DOCK9: variants seen among roughly 807,000 people sequenced by gnomAD.
DOCK9 encodes dedicator of cytokinesis 9.
Under a neutral mutation model 263.3 loss-of-function variants are expected in DOCK9, and 89 were observed. That is an observed-to-expected ratio of 0.34 (90% confidence interval 0.28 to 0.40). The LOEUF (loss-of-function observed/expected upper bound fraction) is 0.40. DOCK9 is among the 10% of genes least tolerant of loss of function. DOCK9 has a pLI of 1.00. For synonymous variants in DOCK9, 976 were observed against 973.1 expected (o/e 1.00, Z -0.06); for missense variants, 2,140 against 2,603.4 (o/e 0.82, Z 3.87).
intron 9 of DOCK9, among the ~76,000 whole-genome samples, chr13:98,906,467 G>A (rs1190215152): frequency 2.0e-5 from 3 of 152,118 alleles, no homozygotes; most frequent in African/African-American, 7.2e-5. Flanking sequence ...TCTATATTCT[G>A]TTCTTCTTGT....
At chr13:99,000,669 T>C (rs1882115301) in intron 1 of DOCK9, among the ~76,000 whole-genome samples, 1 of 152,162 alleles carries the variant, frequency 6.6e-6, no homozygotes, top group African/African-American at 2.4e-5. Flanking sequence ...CAGACTCCAT[T>C]TGTTCTGCAG....
chr13:98,992,067 TA>T (rs796826844), intron 1 of DOCK9, among the ~76,000 whole-genome samples: 7 of 148,100 alleles, frequency 4.7e-5, no homozygotes, highest in African/African-American at 1.8e-4. Flanking sequence ...ACATGAGAAA[TA>T]AAACTGTACA....
chr13:99,014,784 G>A (rs1361180588), intron 1 of DOCK9, among the ~76,000 whole-genome samples: 1 of 152,170 alleles, frequency 6.6e-6, no homozygotes, highest in Admixed American at 6.5e-5. Flanking sequence ...CCTGGTGCTG[G>A]TGGGAAGGCC....
intron 48 of DOCK9, among the ~76,000 whole-genome samples, chr13:98,806,051 A>C (rs1262654669): frequency 2.0e-5 from 3 of 152,164 alleles, no homozygotes; most frequent in Non-Finnish European, 4.4e-5. Flanking sequence ...AATGACCTCC[A>C]GTCTGGATTT....
chr13:98,989,922 T>G (rs888084905), intron 1 of DOCK9, among the ~76,000 whole-genome samples: 1 of 152,144 alleles, frequency 6.6e-6, no homozygotes. Context: ...TAAGAAAGGG[T>G]CTACAGAGCA....
intron 2 of DOCK9, among the ~76,000 whole-genome samples, chr13:98,951,641 G>T (rs1358854025): frequency 6.6e-6 from 1 of 152,190 alleles, no homozygotes; most frequent in Non-Finnish European, 1.5e-5. Context: ...TTGAGACAGT[G>T]GGGGGAAAAG....
chr13:98,848,853 G>A (rs2093471750), intron 36 of DOCK9, among the ~76,000 whole-genome samples: 2 of 152,174 alleles, frequency 1.3e-5, no homozygotes, highest in African/African-American at 4.8e-5. Context: ...GCCCCATCCT[G>A]TGTAGCTGTC....
intron 1 of DOCK9, among the ~76,000 whole-genome samples, chr13:99,034,518 T>C (rs187352549): frequency 1.3e-5 from 2 of 152,284 alleles, no homozygotes; most frequent in East Asian, 1.9e-4. Context: ...GAGTCAATCA[T>C]TAAACTTCTG....
At chr13:99,046,155 A>G (rs532261175) in intron 1 of DOCK9, among the ~76,000 whole-genome samples, 6 of 152,278 alleles carry the variant, frequency 3.9e-5, no homozygotes, top group African/African-American at 1.4e-4. Flanking sequence ...ACAACCAGGA[A>G]ATATCTTAAG....
chr13:98,866,589 T>C (rs879444919), intron 30 of DOCK9, among the ~76,000 whole-genome samples: 25 of 152,344 alleles, frequency 1.6e-4, no homozygotes, highest in Admixed American at 2.6e-4. Flanking sequence ...GACTAATTTG[T>C]TCAATTTGAT....
At chr13:98,915,250 C>T in intron 8 of DOCK9, 79 bp downstream of exon 8, 1 of 1,423,266 alleles carries the variant, frequency 7.0e-7, no homozygotes, top group East Asian at 2.3e-5. Flanking sequence ...TAACACAGGT[C>T]TCCTTCTTAT....
chr13:98,810,434 TAC>T, intron 45 of DOCK9, 143 bp from the exon 46 acceptor site: 2 of 1,044,920 alleles, frequency 1.9e-6, no homozygotes, highest in Non-Finnish European at 2.7e-6. Context: ...CTTCCACACT[TAC>T]AACAACATTC....
At chr13:98,931,588 G>A (rs555162655) in intron 2 of DOCK9, among the ~76,000 whole-genome samples, 182 of 148,686 alleles carry the variant, frequency 1.2e-3, no homozygotes, top group Non-Finnish European at 1.1e-3. Context: ...GTGAGCCACT[G>A]CGCCCAGCCT....
intron 13 of DOCK9, among the ~76,000 whole-genome samples, chr13:98,898,930 C>T (rs1209020374): frequency 6.6e-6 from 1 of 152,088 alleles, no homozygotes; most frequent in Non-Finnish European, 1.5e-5. Flanking sequence ...CATCTATACC[C>T]CTATTGCTAA....
chr13:98,887,741 T>C (rs763487198), intron 18 of DOCK9, among the ~76,000 whole-genome samples: 25 of 151,632 alleles, frequency 1.6e-4, no homozygotes, highest in Non-Finnish European at 2.2e-4. Context: ...CAATAAAAGT[T>C]ACCTATAATC....
intron 1 of DOCK9, among the ~76,000 whole-genome samples, chr13:99,008,898 TA>T (rs1474303322): frequency 6.6e-6 from 1 of 152,190 alleles, no homozygotes; most frequent in African/African-American, 2.4e-5. Flanking sequence ...ACAGTCCCAT[TA>T]GGGGTTAGAG....
At chr13:98,928,887 G>A (rs2053477540) in intron 3 of DOCK9, among the ~76,000 whole-genome samples, 1 of 152,118 alleles carries the variant, frequency 6.6e-6, no homozygotes, top group Admixed American at 6.5e-5. Context: ...TAATATAGTG[G>A]CAAAGGAGGT....
chr13:98,876,705 G>A (rs2043912228), intron 27 of DOCK9, among the ~76,000 whole-genome samples: 1 of 152,094 alleles, frequency 6.6e-6, no homozygotes, highest in African/African-American at 2.4e-5. Flanking sequence ...CTTAAGATAC[G>A]AGACACACTG....
intron 1 of DOCK9, among the ~76,000 whole-genome samples, chr13:99,024,675 G>A (rs1161895813): frequency 6.6e-6 from 1 of 152,040 alleles, no homozygotes; most frequent in Non-Finnish European, 1.5e-5. Context: ...AGGGCGAAGA[G>A]GAAAACATAA....
Sources: allele counts gnomAD v4.1 joint callset (sites outside exome capture counted in the v4.1 genomes callset), GRCh38; gene constraint gnomAD v4.1.1; transcripts MANE v1.5; gene names NCBI Gene and HGNC (gene_info 2026-07-23, HGNC 2026-07-21).